The following CYP2B6 variants were observed in gnomAD, a reference collection of about 807,000 sequenced individuals.
CYP2B6 encodes the protein cytochrome P450 2B6.
In CYP2B6, 35 loss-of-function variants were observed where a neutral mutation model predicts 43.4. The observed-to-expected ratio is 0.81, with a 90% CI of 0.62 to 1.07. The LOEUF is 1.07. CYP2B6 is among the 50% of genes least tolerant of loss of function. CYP2B6 has a pLI of 0.00. For synonymous variants in CYP2B6, 239 were observed against 239.2 expected, an observed-to-expected ratio of 1.00 and a Z score of 0.01; for missense variants, 624 against 632.8, an observed-to-expected ratio of 0.99 and a Z score of 0.15.
At chr19:41,012,097 C>T (rs561248251) in intron 6 of CYP2B6, among the ~76,000 whole-genome samples, 8 of 152,176 alleles carry the variant, frequency 5.3e-5, no homozygotes, top group African/African-American at 1.9e-4. Context: ...TACAGGTGTG[C>T]ACCAGCACAC....
rs375367839 is a variant in CYP2B6 at position 41,016,734 on chromosome 19, C to A, written c.1383C>A (p.Ser461Arg). The change falls in exon 9 of 9, where the codon AGC becomes AGA. Residue 461 changes from serine (S) to arginine (R), a missense_variant. Physicochemically the swap from Ser to Arg is moderately radical, Grantham distance 110 (BLOSUM62 -1). Coordinates refer to ENST00000324071, the MANE Select transcript of CYP2B6 (RefSeq NM_000767.5). ...TCCTCCAGAACTTCTCCATGGCCAGCCCCGTGGCCCCAGAAGACATCGATC... is the reference window on the plus strand; with the variant it reads ...TCCTCCAGAACTTCTCCATGGCCAGACCCGTGGCCCCAGAAGACATCGATC... ...TTILQNFSMA[S>R]PVAPEDIDLT... The A allele has an allele frequency of 1.9e-6, 3 of 1,614,110 alleles. No individual in the cohort carries two copies. Among genetic ancestry groups the A allele is most frequent in the African/African-American group, 1.3e-5 (1 of 74,944 alleles).
At chr19:41,008,216 G>C (rs2144672091) in intron 4 of CYP2B6, among the ~76,000 whole-genome samples, 1 of 151,854 alleles carries the variant, frequency 6.6e-6, no homozygotes, top group East Asian at 1.9e-4. Context: ...GTAGTTTGTT[G>C]TTGTTGTTGT....
At chr19:41,011,496 A>T (rs1366142815) in intron 6 of CYP2B6, among the ~76,000 whole-genome samples, 1 of 152,218 alleles carries the variant, frequency 6.6e-6, no homozygotes, top group Non-Finnish European at 1.5e-5. Flanking sequence ...TCATTTATTC[A>T]TCAATCTTTC....
intron 8 of CYP2B6, among the ~76,000 whole-genome samples, 177 bp from the exon 9 acceptor site, chr19:41,016,469 A>G (rs982915081): frequency 3.3e-5 from 5 of 150,780 alleles, no homozygotes; most frequent in Non-Finnish European, 7.4e-5. Flanking sequence ...ACATCCACTC[A>G]AAGATTTGCA....
chr19:41,016,431 A>G (rs71337575), intron 8 of CYP2B6, among the ~76,000 whole-genome samples: 43,607 of 86,752 alleles, frequency 0.5, 9,902 homozygotes, highest in Admixed American at 0.65. Flanking sequence ...AAAAAAAAAA[A>G]AAAGAGAGAG....
At position 41,010,128 on chromosome 19, in the gene CYP2B6, T is replaced by C; in HGVS notation, c.957T>C (p.His319=). Reference sequence around the variant, plus strand: ...TCCTGCTCATGCTCAAATACCCTCATGTTGCAGGTGGGCCAGGGACAGCCA... The same window carrying C: ...TCCTGCTCATGCTCAAATACCCTCACGTTGCAGGTGGGCCAGGGACAGCCA... ...YGFLLMLKYP[H]VAERVYREIE... Residue 319 remains histidine (H), a synonymous_variant, in exon 6 of 9, where the codon CAT becomes CAC. Coordinates refer to ENST00000324071, the MANE Select transcript of CYP2B6 (RefSeq NM_000767.5). 6.2e-7 allele frequency: 1 copy of C among 1,613,070 alleles called. No homozygotes were observed. Among genetic ancestry groups the C allele is most frequent in the Middle Eastern group, 1.9e-4 (1 of 5,338 alleles).
chr19:40,996,708 T>C (rs1330373923), intron 1 of CYP2B6, among the ~76,000 whole-genome samples: 1 of 152,164 alleles, frequency 6.6e-6, no homozygotes, highest in African/African-American at 2.4e-5. Flanking sequence ...GAGCTTTTAG[T>C]AATGGAAATT....
At chr19:40,999,093 C>T (rs1029414894) in intron 1 of CYP2B6, among the ~76,000 whole-genome samples, 15 of 149,724 alleles carry the variant, frequency 1.0e-4, no homozygotes, top group Non-Finnish European at 1.6e-4. Flanking sequence ...CCTGTTGTTT[C>T]CTGACTTTTT....
At chr19:41,000,625 A>G (rs918782388) in intron 1 of CYP2B6, among the ~76,000 whole-genome samples, 1 of 152,136 alleles carries the variant, frequency 6.6e-6, no homozygotes, top group African/African-American at 2.4e-5. Context: ...ATGTGAATCA[A>G]TGGACTTAGT....
intron 4 of CYP2B6, chr19:41,007,467 TA>T: frequency 5.2e-6 from 1 of 190,764 alleles, no homozygotes; most frequent in Non-Finnish European, 1.1e-5. Flanking sequence ...ATTTCTGTTT[TA>T]TTTTTTTTAG....
chr19:40,992,255 T>C (rs1341802926), intron 1 of CYP2B6, among the ~76,000 whole-genome samples: 1 of 150,814 alleles, frequency 6.6e-6, no homozygotes, highest in Admixed American at 6.6e-5. Flanking sequence ...CAGTTCACTC[T>C]ACAGAGAGAG....
At chr19:41,007,433 A>G (rs1969209001) in intron 4 of CYP2B6, 3 of 231,880 alleles carry the variant, frequency 1.3e-5, no homozygotes, top group Non-Finnish European at 2.5e-5. Context: ...TTTGGGCTTC[A>G]TGTCTATTCT....
At chr19:41,000,463 G>A (rs544550245) in intron 1 of CYP2B6, among the ~76,000 whole-genome samples, 30 of 152,260 alleles carry the variant, frequency 2.0e-4, no homozygotes, top group African/African-American at 7.0e-4. Flanking sequence ...AGTCGGCCAG[G>A]GCCTACAAAG....
At position 41,012,666 on chromosome 19, in the gene CYP2B6, T is replaced by C; in HGVS notation, c.1153-8T>C. 6.2e-7 allele frequency: 1 copy of C among 1,613,876 alleles called. No homozygotes were observed. Among genetic ancestry groups the C allele is most frequent in the Non-Finnish European group, 8.5e-7 (1 of 1,179,954 alleles). ...GCAATATCTTTTGATCTTGTGATCC[T>C]CCCTCAGGACACAGAAGTATTTCTC... On this transcript the variant is annotated splice_polypyrimidine_tract_variant and splice_region_variant and intron_variant, in intron 7 of 8. Coordinates refer to ENST00000324071, the MANE Select transcript of CYP2B6 (RefSeq NM_000767.5).
Position 41,016,807 on chromosome 19 carries a change from A to T in CYP2B6, c.1456A>T (p.Ile486Phe), listed in dbSNP as rs1969376664. Reference protein sequence around the residue: ...GVGKIPPTYQIRFLPR With the variant: ...GVGKIPPTYQFRFLPR ...GGGCAAAATACCCCCAACATACCAGATCCGCTTCCTGCCCCGCTGAAGGGG... is the reference window on the plus strand; with the variant it reads ...GGGCAAAATACCCCCAACATACCAGTTCCGCTTCCTGCCCCGCTGAAGGGG... Residue 486 changes from isoleucine (I) to phenylalanine (F), a missense_variant, in exon 9 of 9, where the codon ATC (isoleucine) becomes TTC (phenylalanine). Physicochemically the swap from Ile to Phe is conservative, Grantham distance 21. Coordinates refer to ENST00000324071, the MANE Select transcript of CYP2B6 (RefSeq NM_000767.5). 1 of 1,613,884 alleles carries T rather than the reference A, an allele frequency of 6.2e-7. No homozygotes were observed. Among genetic ancestry groups the T allele is most frequent in the Admixed American group, 1.7e-5 (1 of 59,998 alleles).
intron 6 of CYP2B6, 45 bp downstream of exon 6, chr19:41,010,180 T>G (rs778498584): frequency 6.2e-7 from 1 of 1,608,854 alleles, no homozygotes; most frequent in Non-Finnish European, 8.5e-7. Flanking sequence ...GACCTCCTTC[T>G]GAGCTGCAGA....
intron 8 of CYP2B6, among the ~76,000 whole-genome samples, chr19:41,015,343 T>C (rs140153967): frequency 8.8e-4 from 134 of 152,302 alleles, no homozygotes; most frequent in African/African-American, 3.0e-3. Context: ...ACCTGCCTGT[T>C]TCTAAGCTCA....
rs707265 is a variant in CYP2B6, at chr19:41,018,182, A to C, written c.*1355A>C. On this transcript the variant is annotated 3_prime_UTR_variant, in exon 9 of 9. Transcript: ENST00000324071. ...ATGTTGAATGCTATTTTTGAGGTTC[A>C]TGCCTGTTGTAGACCACAGTCACAC... 6.6e-6 allele frequency: 1 copy of C among 151,962 alleles called. No homozygotes were observed. Among genetic ancestry groups the C allele is most frequent in the Non-Finnish European group, 1.5e-5 (1 of 68,000 alleles). The allele number at this position is 151,962 out of a possible 1,614,324, so 9.4% of individuals were successfully genotyped here. A position where few individuals can be genotyped will look rare whatever the true frequency, so the allele number is the denominator to read the frequency against.
chr19:41,013,514 C>A (rs942105257), intron 8 of CYP2B6, among the ~76,000 whole-genome samples: 5 of 152,088 alleles, frequency 3.3e-5, no homozygotes, highest in African/African-American at 1.2e-4. Context: ...GGACAAAGGC[C>A]AAAGGTAGAA....
Sources: gnomAD v4.1 joint callset for allele counts (sites outside exome capture counted in the v4.1 genomes callset) on GRCh38, gnomAD v4.1.1 for gene constraint, MANE v1.5 for transcripts, NCBI Gene and HGNC (gene_info 2026-07-23, HGNC 2026-07-21) for gene names.